Variants in TRIO observed in about 807,000 individuals in gnomAD.
TRIO encodes the protein trio Rho guanine nucleotide exchange factor.
Under a neutral mutation model 351.9 loss-of-function variants are expected in TRIO, and 58 were observed. That is an observed-to-expected ratio of 0.16 (90% CI 0.13 to 0.21). The LOEUF (loss-of-function observed/expected upper bound fraction) is 0.21. Ranked by LOEUF, TRIO falls within the 10% of genes least tolerant of loss-of-function variation. The probability of loss-of-function intolerance (pLI) is 1.00; values close to 1 mark genes in which losing one functional copy is unlikely to be tolerated. For synonymous variants in TRIO, 1,758 were observed against 1,595.7 expected, an observed-to-expected ratio of 1.10 and a Z score of -2.42; for missense variants, 3,201 against 4,027.8, an observed-to-expected ratio of 0.79 and a Z score of 5.56.
Position 14,484,197 on chromosome 5 carries a change from G to A in TRIO, c.6658-872G>A, listed in dbSNP as rs116162014. On this transcript the variant is annotated intron_variant, in intron 46 of 56. Coordinates refer to ENST00000344204, the MANE Select transcript of TRIO (RefSeq NM_007118.4). ...ATCACTCCAGCACTGTAGGAATTTCGTATATATTTTTTACATATTTTTATA... is the reference window on the plus strand; with the variant it reads ...ATCACTCCAGCACTGTAGGAATTTCATATATATTTTTTACATATTTTTATA... Among the ~76,000 whole-genome samples, 597 of 152,184 alleles carry A rather than the reference G, an allele frequency of 3.9e-3. 1 individual carries two copies. The highest frequency in any genetic ancestry group is 6.3e-3 in the Non-Finnish European group (426 of 68,002).
chr5:14,466,450 T>C (rs1014417588), intron 37 of TRIO: 2 of 152,232 alleles, frequency 1.3e-5, no homozygotes, highest in African/African-American at 4.8e-5. Context: ...GTTCATTTGA[T>C]AAAAGCCCCA....
intron 40 of TRIO, among the ~76,000 whole-genome samples, chr5:14,476,683 A>G (rs540203220): frequency 5.3e-5 from 8 of 152,000 alleles, no homozygotes; most frequent in South Asian, 2.1e-4. Context: ...AACCCCAGCT[A>G]CTTGGGAGGC....
chr5:14,286,404 G>T lies in TRIO; in HGVS notation c.348-467G>T, dbSNP rs1736447723. On this transcript the variant is annotated intron_variant, in intron 3 of 56. Coordinates refer to ENST00000344204, the MANE Select transcript of TRIO (RefSeq NM_007118.4). This position sits in a 1 kb window ranked among gnomAD's most constrained non-coding sequence, Gnocchi z 4.4. ...TGGGGGGTCATTTTCAGCACCTGGG[G>T]TGCTGGGAGTCCTGGGGTAACTGCC... is the stretch of plus-strand genomic sequence containing the variant. 6.6e-6 allele frequency among the ~76,000 whole-genome samples: 1 copy of T among 152,098 alleles called. No individual in the cohort carries two copies. The highest frequency in any genetic ancestry group is 2.4e-5 in the African/African-American group (1 of 41,394).
chr5:14,459,288 G>A (rs889528125), intron 34 of TRIO, among the ~76,000 whole-genome samples: 5 of 152,346 alleles, frequency 3.3e-5, no homozygotes, highest in South Asian at 2.1e-4. Flanking sequence ...AGGGAATGGC[G>A]TCCAGAGCCA....
intron 34 of TRIO, among the ~76,000 whole-genome samples, chr5:14,459,085 G>A (rs1279695631): frequency 6.6e-6 from 1 of 152,172 alleles, no homozygotes; most frequent in African/African-American, 2.4e-5. Flanking sequence ...GAAAAATCTG[G>A]ATTTTGAAGA....
At chr5:14,190,299 T>C (rs906633501) in intron 1 of TRIO, among the ~76,000 whole-genome samples, 7 of 151,622 alleles carry the variant, frequency 4.6e-5, no homozygotes, top group African/African-American at 1.5e-4. Flanking sequence ...GAGTCAGGAG[T>C]CTTTGTGCAA....
At chr5:14,346,853 C>T (rs113088430) in intron 11 of TRIO, among the ~76,000 whole-genome samples, 3,260 of 152,346 alleles carry the variant, frequency 0.021, 109 homozygotes, top group African/African-American at 0.074. Context: ...GACCAAAACT[C>T]TCCTCATCCT....
intron 38 of TRIO, 149 bp downstream of exon 38, chr5:14,471,615 T>A (rs1007084658): frequency 2.0e-6 from 2 of 1,021,546 alleles, no homozygotes; most frequent in Non-Finnish European, 2.8e-6. Flanking sequence ...TGTAAAAGAC[T>A]CAGGACCTAA....
chr5:14,409,605 C>T lies in TRIO; in HGVS notation c.4959+2933C>T, dbSNP rs985855345. On this transcript the variant is annotated intron_variant, in intron 33 of 56. Coordinates refer to ENST00000344204, the MANE Select transcript of TRIO (RefSeq NM_007118.4). Reference sequence around the variant, plus strand: ...ATCCCAGCACTTAGGGAGGCCAAGGCGGGCAGATCACGAGGTCAGGAGATC... The same window carrying T: ...ATCCCAGCACTTAGGGAGGCCAAGGTGGGCAGATCACGAGGTCAGGAGATC... Among the ~76,000 whole-genome samples, 15 of 152,012 alleles carry T rather than the reference C, an allele frequency of 9.9e-5. No homozygotes were observed. The South Asian group carries it at 1.7e-3, about 17-fold the overall frequency.
chr5:14,245,973 G>A (rs989471540), intron 1 of TRIO, among the ~76,000 whole-genome samples: 1 of 152,226 alleles, frequency 6.6e-6, no homozygotes, highest in Non-Finnish European at 1.5e-5. Context: ...CTAGGTTAGA[G>A]TGTACATTCA....
chr5:14,206,681 A>G (rs138054149), intron 1 of TRIO, among the ~76,000 whole-genome samples: 68 of 152,322 alleles, frequency 4.5e-4, no homozygotes, highest in African/African-American at 1.6e-3. Context: ...GTATGACTGA[A>G]GTACATATTC....
intron 11 of TRIO, among the ~76,000 whole-genome samples, chr5:14,339,355 C>T (rs548480691): frequency 1.3e-5 from 2 of 152,288 alleles, no homozygotes; most frequent in South Asian, 4.1e-4. Flanking sequence ...ACCATGGAGT[C>T]TGTATTGTCA....
At chr5:14,295,437 A>G (rs1370969429) in intron 6 of TRIO, among the ~76,000 whole-genome samples, 1 of 152,240 alleles carries the variant, frequency 6.6e-6, no homozygotes, top group Non-Finnish European at 1.5e-5. Flanking sequence ...TGGAAAAAGC[A>G]TCATACATAG....
At chr5:14,226,102 A>C (rs946927904) in intron 1 of TRIO, among the ~76,000 whole-genome samples, 1 of 152,126 alleles carries the variant, frequency 6.6e-6, no homozygotes, top group Non-Finnish European at 1.5e-5. Flanking sequence ...TTAATGCCGG[A>C]GCTCACACAG....
intron 1 of TRIO, 50 bp downstream of exon 1, chr5:14,143,932 G>T: frequency 9.6e-7 from 1 of 1,039,046 alleles, no homozygotes. Context: ...CCAAGCGCTC[G>T]GCCGACCCGC....
chr5:14,394,042 T>G lies in TRIO; in HGVS notation c.4223T>G (p.Ile1408Arg). ...TCTTGTTTGGTTTTAATACAGGAGA[T>G]ACAGCAGCGACATGGATTAGCCAAT... ...LEHAGSYFDE[I>R]QQRHGLANSI... is the part of the protein sequence containing the mutation. The change falls in exon 28 of 57, where the codon ATA becomes AGA. Residue 1408 changes from isoleucine (I) to arginine (R), a missense_variant. Physicochemically the swap from Ile to Arg is moderately conservative, Grantham distance 97 (BLOSUM62 -3). Coordinates refer to ENST00000344204, the MANE Select transcript of TRIO (RefSeq NM_007118.4). The G allele has an allele frequency of 6.2e-7, 1 of 1,611,842 alleles. No individual in the cohort carries two copies. Among genetic ancestry groups the G allele is most frequent in the African/African-American group, 1.3e-5 (1 of 74,966 alleles).
chr5:14,201,260 CAAAAAATAAAAAATAAAT>C (rs1020707654), intron 1 of TRIO, among the ~76,000 whole-genome samples: 2 of 151,806 alleles, frequency 1.3e-5, no homozygotes, highest in African/African-American at 4.8e-5. Context: ...AACTCCATCT[CAAAAAATAAAAAATAAAT>C]AAAAAATAAA....
chr5:14,231,953 T>C lies in TRIO; in HGVS notation c.158-38872T>C, dbSNP rs79237168. 4.0e-3 allele frequency among the ~76,000 whole-genome samples: 605 copies of C among 152,240 alleles called. 6 individuals are homozygous for C. The highest frequency in any genetic ancestry group is 0.014 in the African/African-American group (575 of 41,526). The stretch of plus-strand genomic sequence containing the variant: ...TGTAGAAGATCATTCAGGCAAAGAT[T>C]CTGGTCTTAAAGGTGTTAAAGTCTA... On this transcript the variant is annotated intron_variant, in intron 1 of 56. Coordinates refer to ENST00000344204, the MANE Select transcript of TRIO (RefSeq NM_007118.4).
rs1744816505 is a variant in TRIO at position 14,368,764 on chromosome 5, C to T, written c.2931C>T (p.Ala977=). The change falls in exon 17 of 57, where the codon GCC becomes GCT. Residue 977 remains alanine, a synonymous_variant. Coordinates refer to ENST00000344204, the MANE Select transcript of TRIO (RefSeq NM_007118.4). ...VQQKAEAMLQ[A]NHYDMDMIRD... ...AGAAGGCAGAAGCCATGCTACAGGC[C>T]AACCACTACGACATGGACATGATCC... 1 of 1,614,124 alleles carries T rather than the reference C, an allele frequency of 6.2e-7. No homozygotes were observed. The highest frequency in any genetic ancestry group is 8.5e-7 in the Non-Finnish European group (1 of 1,180,026).
Sources: gnomAD v4.1 joint callset for allele counts (sites outside exome capture counted in the v4.1 genomes callset) on GRCh38, gnomAD v4.1.1 for gene constraint, Gnocchi (gnomAD v3.1) non-coding constraint, MANE v1.5 for transcripts, NCBI Gene and HGNC (gene_info 2026-07-23, HGNC 2026-07-21) for gene names.